Variants in ALAS1 observed in about 807,000 individuals in gnomAD.
ALAS1 encodes the protein 5-aminolevulinate synthase, non-specific, mitochondrial.
In ALAS1, 29 loss-of-function variants were observed where a neutral mutation model predicts 59.6. The ratio of observed to expected loss-of-function variants is 0.49; its 90% confidence interval spans 0.36 to 0.66. The LOEUF (loss-of-function observed/expected upper bound fraction) is 0.66. Ranked by LOEUF, ALAS1 falls within the 30% of genes least tolerant of loss-of-function variation. ALAS1 has a pLI of 0.00. For missense variants in ALAS1, 690 were observed against 807.5 expected, an observed-to-expected ratio of 0.85 and a Z score of 1.76; for synonymous variants, 299 against 296.6, an observed-to-expected ratio of 1.01 and a Z score of -0.08.
At position 52,204,675 on chromosome 3, in the gene ALAS1, C is replaced by A; in HGVS notation, c.578-18C>A. 6.2e-7 allele frequency: 1 copy of A among 1,606,006 alleles called. No homozygotes were observed. Among genetic ancestry groups the A allele is most frequent in the South Asian group, 1.1e-5 (1 of 90,728 alleles). On this transcript the variant is annotated intron_variant, in intron 5 of 11. Coordinates refer to ENST00000484952, the MANE Select transcript of ALAS1 (RefSeq NM_000688.6). The stretch of plus-strand genomic sequence containing the variant: ...TTTCACAACCACCATTCTGTACTGT[C>A]TTTTGTTCAATTTTTAGCTGTTTCC...
Position 52,211,472 on chromosome 3 carries a change from A to G in ALAS1, c.1520A>G (p.Asn507Ser), listed in dbSNP as rs1251961856. Residue 507 changes from asparagine (N) to serine (S), a missense_variant, in exon 10 of 12, where the codon AAC becomes AGC. By Grantham distance (46) the Asn-to-Ser change is conservative (BLOSUM62 1). Transcript: ENST00000484952. ...GTGCTTCGCCGCCAGCACCAGCGCA[A>G]CGTCAAACTCATGAGACAGATGCTA... is the stretch of plus-strand genomic sequence containing the variant. ...GRVLRRQHQR[N>S]VKLMRQMLMD... is the part of the protein sequence containing the mutation. 1.2e-6 allele frequency: 2 copies of G among 1,614,244 alleles called. No individual in the cohort carries two copies. Among genetic ancestry groups the G allele is most frequent in the Admixed American group, 1.7e-5 (1 of 60,026 alleles).
rs770294028 is a variant in ALAS1, at chr3:52,211,341, C to G, written c.1389C>G (p.Thr463=). Residue 463 remains threonine, a synonymous_variant, in exon 10 of 12, where the codon ACC becomes ACG. Coordinates refer to ENST00000484952, the MANE Select transcript of ALAS1 (RefSeq NM_000688.6). ...YIASTSSLID[T]VRSYAAGFIF... ...CCAGCACGAGTTCTCTGATTGACACCGTACGGTCCTATGCTGCTGGCTTCA... is the reference window on the plus strand; with the variant it reads ...CCAGCACGAGTTCTCTGATTGACACGGTACGGTCCTATGCTGCTGGCTTCA... 2 of 1,614,190 alleles carry G rather than the reference C, an allele frequency of 1.2e-6. No homozygotes were observed. Among genetic ancestry groups the G allele is most frequent in the Non-Finnish European group, 1.7e-6 (2 of 1,180,046 alleles).
intron 11 of ALAS1, among the ~76,000 whole-genome samples, chr3:52,213,169 A>G (rs1201168151): frequency 6.6e-6 from 1 of 152,194 alleles, no homozygotes; most frequent in Non-Finnish European, 1.5e-5. Context: ...GAATTGCTCA[A>G]TATTTTCAAC....
At chr3:52,204,593 G>T in intron 5 of ALAS1, 100 bp from the exon 6 acceptor site, 1 of 940,996 alleles carries the variant, frequency 1.1e-6, no homozygotes, top group Non-Finnish European at 1.6e-6. Context: ...AACCTGCCCA[G>T]GATCTCCCTC....
At chr3:52,211,695 G>A in intron 10 of ALAS1, 144 bp downstream of exon 10, 4 of 1,230,804 alleles carry the variant, frequency 3.2e-6, no homozygotes, top group Non-Finnish European at 4.5e-6. Flanking sequence ...CCTCTGTCAT[G>A]TTTCCGCCAT....
In ALAS1 at chr3:52,202,754, C is replaced by G; in HGVS notation, c.427+20C>G. ...GGAAAGGTAAGAGATGAGTTGTGAA[C>G]CATTAGTGGTAGTGAAGGGGTCCTT... On this transcript the variant is annotated intron_variant, in intron 4 of 11. Coordinates refer to ENST00000484952, the MANE Select transcript of ALAS1 (RefSeq NM_000688.6). The G allele has an allele frequency of 6.2e-7, 1 of 1,606,766 alleles. No homozygotes were observed. The highest frequency in any genetic ancestry group is 8.5e-7 in the Non-Finnish European group (1 of 1,174,406).
Position 52,211,280 on chromosome 3 carries a change from C to T in ALAS1, c.1331-3C>T. On this transcript the variant is annotated splice_region_variant and splice_polypyrimidine_tract_variant and intron_variant, in intron 9 of 11. Coordinates refer to ENST00000484952, the MANE Select transcript of ALAS1 (RefSeq NM_000688.6). ...TGTAATTAATGAAGCTATCTCCTCC[C>T]AGGCAAAGCCTTTGGTTGTGTTGGA... 2 of 1,611,234 alleles carry T rather than the reference C, an allele frequency of 1.2e-6. No homozygotes were observed. The highest frequency in any genetic ancestry group is 2.2e-5 in the East Asian group (1 of 44,800).
chr3:52,205,004 A>T, intron 6 of ALAS1, 89 bp downstream of exon 6: 1 of 1,101,892 alleles, frequency 9.1e-7, no homozygotes, highest in Non-Finnish European at 1.4e-6. Context: ...TGGAGGGAAC[A>T]TTCAGTAGCT....
rs1426082152 is a variant in ALAS1, at chr3:52,206,555, C to T, written c.986-17C>T. ...CTTCGATGCACATGGCAATAAATAG[C>T]ATTTTTGTTGTCTTAGGCTGTGAGA... is the stretch of plus-strand genomic sequence containing the variant. On this transcript the variant is annotated splice_polypyrimidine_tract_variant and intron_variant, in intron 7 of 11. Coordinates refer to ENST00000484952, the MANE Select transcript of ALAS1 (RefSeq NM_000688.6). 3.1e-6 allele frequency: 5 copies of T among 1,608,092 alleles called. No homozygotes were observed. The highest frequency in any genetic ancestry group is 4.3e-6 in the Non-Finnish European group (5 of 1,176,188).
intron 9 of ALAS1, among the ~76,000 whole-genome samples, chr3:52,209,201 C>G (rs1479976661): frequency 6.6e-6 from 1 of 152,080 alleles, no homozygotes; most frequent in Non-Finnish European, 1.5e-5. Context: ...TCAAGAAGCT[C>G]TTTTCTTTTT....
intron 7 of ALAS1, among the ~76,000 whole-genome samples, chr3:52,206,230 C>T (rs571948151): frequency 2.2e-4 from 34 of 152,298 alleles, no homozygotes; most frequent in African/African-American, 7.0e-4. Context: ...AAACTTGAAA[C>T]GTCTCATCCT....
intron 7 of ALAS1, 76 bp downstream of exon 7, chr3:52,206,099 G>A: frequency 3.0e-6 from 4 of 1,342,238 alleles, no homozygotes; most frequent in Non-Finnish European, 4.1e-6. Context: ...CAACAAAGAA[G>A]CCTTACCAGA....
intron 11 of ALAS1, among the ~76,000 whole-genome samples, chr3:52,212,751 G>A (rs563106366): frequency 2.2e-4 from 33 of 152,122 alleles, no homozygotes; most frequent in African/African-American, 4.6e-4. Context: ...GGCTGGTCTC[G>A]AACTCCCGAC....
chr3:52,206,642 A>G lies in ALAS1; in HGVS notation c.1056A>G (p.Pro352=), dbSNP rs1474462913. The G allele has an allele frequency of 1.9e-6, 3 of 1,614,198 alleles. No homozygotes were observed. In the South Asian group the frequency reaches 3.3e-5, roughly 18 times the overall value. The part of the protein sequence containing the change: ...MIQGIRNSRV[P]KYIFRHNDVS... ...AAGGGATTCGAAACAGCCGAGTGCC[A>G]AAGTACATCTTCCGCCACAATGATG... Residue 352 remains proline, a synonymous_variant, in exon 8 of 12, where the codon CCA becomes CCG. Transcript: ENST00000484952.
chr3:52,212,191 G>C, intron 10 of ALAS1, 67 bp from the exon 11 acceptor site: 1 of 1,468,618 alleles, frequency 6.8e-7, no homozygotes, highest in South Asian at 1.2e-5. Context: ...GACTGCGTTC[G>C]TTAGGATCTC....
At position 52,211,390 on chromosome 3, in the gene ALAS1, A is replaced by T. The variant is rs1208678717; in HGVS notation, c.1438A>T (p.Met480Leu). The T allele has an allele frequency of 1.2e-6, 2 of 1,614,180 alleles. No individual in the cohort carries two copies. The highest frequency in any genetic ancestry group is 1.7e-6 in the Non-Finnish European group (2 of 1,180,022). The part of the protein sequence containing the change: ...GFIFTTSLPP[M>L]LLAGALESVR... The stretch of plus-strand genomic sequence containing the variant: ...CATCTTCACCACCTCTCTGCCACCC[A>T]TGCTGCTGGCTGGAGCCCTGGAGTC... The change falls in exon 10 of 12, where the codon ATG becomes TTG. Residue 480 changes from methionine (M) to leucine (L), a missense_variant. By Grantham distance (15) the Met-to-Leu change is conservative (BLOSUM62 2). Transcript: ENST00000484952.
Position 52,208,162 on chromosome 3 carries a change from A to G in ALAS1, c.1245A>G (p.Ala415=), listed in dbSNP as rs1280708049. The G allele has an allele frequency of 6.2e-7, 1 of 1,613,614 alleles. No individual in the cohort carries two copies. Among genetic ancestry groups the G allele is most frequent in the Admixed American group, 1.7e-5 (1 of 59,980 alleles). Residue 415 remains alanine, a synonymous_variant, in exon 9 of 12, where the codon GCA becomes GCG. Coordinates refer to ENST00000484952, the MANE Select transcript of ALAS1 (RefSeq NM_000688.6). ...GAITFVDEVH[A]VGLYGARGGG... is the part of the protein sequence containing the mutation. ...TCACCTTCGTGGATGAGGTCCACGC[A>G]GTGGGGCTTTATGGGGCTCGAGGCG...
At chr3:52,210,733 C>T (rs917524471) in intron 9 of ALAS1, among the ~76,000 whole-genome samples, 1 of 151,996 alleles carries the variant, frequency 6.6e-6, no homozygotes, top group Non-Finnish European at 1.5e-5. Flanking sequence ...GAGCTATGAT[C>T]ATGCCACTGC....
At position 52,214,095 on chromosome 3, in the gene ALAS1, G is replaced by A; in HGVS notation, c.1838G>A (p.Arg613Lys). 1 of 1,613,998 alleles carries A rather than the reference G, an allele frequency of 6.2e-7. No homozygotes were observed. The highest frequency in any genetic ancestry group is 8.5e-7 in the Non-Finnish European group (1 of 1,179,848). ...TCCTCAGCTGAGTGCAACTTCTGCAGGAGGCCACTGCATTTTGAAGTGATG... is the reference window on the plus strand; with the variant it reads ...TCCTCAGCTGAGTGCAACTTCTGCAAGAGGCCACTGCATTTTGAAGTGATG... ...PHSSAECNFC[R>K]RPLHFEVMSE... Residue 613 changes from arginine (R) to lysine (K), a missense_variant, in exon 12 of 12, where the codon AGG (arginine) becomes AAG (lysine). Arg to Lys is a conservative substitution (Grantham distance 26). Coordinates refer to ENST00000484952, the MANE Select transcript of ALAS1 (RefSeq NM_000688.6).
Sources: allele counts gnomAD v4.1 joint callset (sites outside exome capture counted in the v4.1 genomes callset), GRCh38; gene constraint gnomAD v4.1.1; transcripts MANE v1.5; gene names NCBI Gene and HGNC (gene_info 2026-07-23, HGNC 2026-07-21).